Variants in ITGA1 observed in about 807,000 individuals in gnomAD.
ITGA1 encodes the protein integrin subunit alpha 1, also known as integrin alpha-1.
A neutral mutation model predicts 145.9 loss-of-function variants in ITGA1; 85 were observed. That is an observed-to-expected ratio of 0.58 (90% CI 0.49 to 0.70). The LOEUF is 0.70. Ranked by LOEUF, ITGA1 falls within the 30% of genes least tolerant of loss-of-function variation. ITGA1 has a pLI of 0.00. For missense variants in ITGA1, 1,351 were observed against 1,418.7 expected, an observed-to-expected ratio of 0.95 and a Z score of 0.77; for synonymous variants, 520 against 495.3, an observed-to-expected ratio of 1.05 and a Z score of -0.66.
At position 52,819,481 on chromosome 5, in the gene ITGA1, T is replaced by C. The variant is rs141886101; in HGVS notation, c.62-29884T>C. Among the ~76,000 whole-genome samples the C allele has an allele frequency of 6.7e-3, 1,018 of 152,340 alleles. 12 individuals are homozygous for C. Among genetic ancestry groups the C allele is most frequent in the African/African-American group, 0.023 (968 of 41,574 alleles). Reference sequence around the variant, plus strand: ...TGTCTGTTCATATCCTCTGCCCACTTTTTGATGGAGTTGTTTGCTTTTTTC... The same window carrying C: ...TGTCTGTTCATATCCTCTGCCCACTCTTTGATGGAGTTGTTTGCTTTTTTC... On this transcript the variant is annotated intron_variant, in intron 1 of 28. Coordinates refer to ENST00000282588, the MANE Select transcript of ITGA1 (RefSeq NM_181501.2).
rs1382682595 is a variant in ITGA1 at position 52,820,378 on chromosome 5, G to C, written c.62-28987G>C. 9.4e-5 allele frequency among the ~76,000 whole-genome samples: 8 copies of C among 84,704 alleles called. 1 individual carries two copies. The highest frequency in any genetic ancestry group is 3.7e-4 in the African/African-American group (8 of 21,558). 55.6% of individuals were successfully genotyped at this position (84,704 alleles called of 152,430 possible). A position where few individuals can be genotyped will look rare whatever the true frequency, so the allele number is the denominator to read the frequency against. ...TCACACATCAGGGCCTGTTGTGGGT[G>C]GGGGGAGGGGGGAGGGATAGCATTA... On this transcript the variant is annotated intron_variant, in intron 1 of 28. Coordinates refer to ENST00000282588, the MANE Select transcript of ITGA1 (RefSeq NM_181501.2).
intron 2 of ITGA1, among the ~76,000 whole-genome samples, chr5:52,857,898 C>T (rs1749541178): frequency 6.6e-6 from 1 of 152,042 alleles, no homozygotes; most frequent in South Asian, 2.1e-4. Flanking sequence ...TTCTTCCTTC[C>T]CACTCTTCTT....
intron 1 of ITGA1, among the ~76,000 whole-genome samples, chr5:52,791,597 T>G (rs575975963): frequency 6.6e-6 from 1 of 152,168 alleles, no homozygotes; most frequent in Admixed American, 6.5e-5. Flanking sequence ...AATAACAGAA[T>G]AGCTAGCACA....
rs781405286 is a variant in ITGA1 at position 52,937,531 on chromosome 5, T to G, written c.3078+17T>G. ...TCTTCTGAGGTAAGTCATGTGTGCC[T>G]TGGAATTATGTCATTACTGTTATCT... On this transcript the variant is annotated intron_variant, in intron 24 of 28. Coordinates refer to ENST00000282588, the MANE Select transcript of ITGA1 (RefSeq NM_181501.2). 1.5e-5 allele frequency: 21 copies of G among 1,416,024 alleles called. 1 individual carries two copies. The South Asian group carries it at 2.2e-4, about 15-fold the overall frequency. 87.7% of individuals were successfully genotyped at this position (1,416,024 alleles called of 1,614,324 possible). A position where few individuals can be genotyped will look rare whatever the true frequency, so the allele number is the denominator to read the frequency against.
chr5:52,918,649 C>T (rs1750685370), intron 15 of ITGA1, 83 bp from the exon 16 acceptor site: 15 of 1,356,762 alleles, frequency 1.1e-5, no homozygotes, highest in Non-Finnish European at 1.5e-5. Context: ...AACCCTCTTC[C>T]ATGCACTCAC....
intron 23 of ITGA1, among the ~76,000 whole-genome samples, chr5:52,934,470 T>C (rs1750936895): frequency 6.6e-6 from 1 of 152,042 alleles, no homozygotes; most frequent in East Asian, 1.9e-4. Context: ...CAAATAAGTA[T>C]GTATCACATT....
At position 52,925,385 on chromosome 5, in the gene ITGA1, T is replaced by C; in HGVS notation, c.2511T>C (p.Asp837=). The change falls in exon 19 of 29, where the codon GAT becomes GAC. Residue 837 remains aspartate (D), a synonymous_variant. Coordinates refer to ENST00000282588, the MANE Select transcript of ITGA1 (RefSeq NM_181501.2). ...TGCTGATTGTCCGATCCCAGAATGATAAGTTCAACGTTAGCCTCACAGTCA... is the reference window on the plus strand; with the variant it reads ...TGCTGATTGTCCGATCCCAGAATGACAAGTTCAACGTTAGCCTCACAGTCA... ...KDLLIVRSQN[D]KFNVSLTVKN... 1.9e-6 allele frequency: 3 copies of C among 1,614,096 alleles called. No individual in the cohort carries two copies. Among genetic ancestry groups the C allele is most frequent in the East Asian group, 4.5e-5 (2 of 44,872 alleles).
chr5:52,942,734 G>C (rs1222198787), intron 26 of ITGA1, among the ~76,000 whole-genome samples: 2 of 150,794 alleles, frequency 1.3e-5, no homozygotes, highest in Non-Finnish European at 1.5e-5. Flanking sequence ...GTAGAGATGG[G>C]GTTTCACTGT....
rs777500135 is a variant in ITGA1, at chr5:52,898,269, TA to T, written c.1196del (p.Tyr399LeufsTer16). On this transcript the variant is annotated frameshift_variant, in exon 11 of 29. Transcript: ENST00000282588. LOFTEE classifies it high-confidence loss of function. ...DWVMLGAVGA[Y>X]DWNGTVVMQK... ...GGTCATGCTTGGAGCAGTAGGAGCCTATGATTGGAATGGAACAGTTGTCATG... is the reference window on the plus strand; with the variant it reads ...GGTCATGCTTGGAGCAGTAGGAGCCTTGATTGGAATGGAACAGTTGTCATG... 1.5e-5 allele frequency: 24 copies of T among 1,606,682 alleles called. No individual in the cohort carries two copies. Among genetic ancestry groups the T allele is most frequent in the Non-Finnish European group, 2.0e-5 (23 of 1,176,228 alleles).
Position 52,939,959 on chromosome 5 carries a change from A to G in ITGA1, c.3285+15A>G, listed in dbSNP as rs1751029132. The G allele has an allele frequency of 7.7e-7, 1 of 1,301,786 alleles. No individual in the cohort carries two copies. The highest frequency in any genetic ancestry group is 1.1e-6 in the Non-Finnish European group (1 of 895,440). The allele number at this position is 1,301,786 out of a possible 1,614,324, so 80.6% of individuals were successfully genotyped here. A position where few individuals can be genotyped will look rare whatever the true frequency, so the allele number is the denominator to read the frequency against. ...CTTTTATAAAAGTAAGTAAATACAT[A>G]GTTCTATGCACTTATTGAATAATAT... is the stretch of plus-strand genomic sequence containing the variant. On this transcript the variant is annotated intron_variant, in intron 26 of 28. Transcript: ENST00000282588.
At chr5:52,885,519 G>T (rs1484060935) in intron 7 of ITGA1, among the ~76,000 whole-genome samples, 1 of 152,150 alleles carries the variant, frequency 6.6e-6, no homozygotes, top group Non-Finnish European at 1.5e-5. Context: ...AGAGTTTTAG[G>T]AGTTCTGCAC....
At chr5:52,860,413 G>A (rs905204034) in intron 2 of ITGA1, among the ~76,000 whole-genome samples, 1 of 152,158 alleles carries the variant, frequency 6.6e-6, no homozygotes, top group African/African-American at 2.4e-5. Context: ...GGGCGTGGTG[G>A]CGTGCACCTG....
chr5:52,835,597 G>A (rs1318942517), intron 1 of ITGA1, among the ~76,000 whole-genome samples: 1 of 152,136 alleles, frequency 6.6e-6, no homozygotes, highest in African/African-American at 2.4e-5. Context: ...ATTTTAATGG[G>A]TCTAAAATGG....
Position 52,905,994 on chromosome 5 carries a change from G to T in ITGA1, c.1455+86G>T. On this transcript the variant is annotated intron_variant, in intron 12 of 28. Transcript: ENST00000282588. ...TGTCTATTGTCCTAAACTTAAAAAT[G>T]CAATACCCACATATTCAGTAACAAC... The T allele has an allele frequency of 2.5e-6, 3 of 1,179,334 alleles. No individual in the cohort carries two copies. In the South Asian group the frequency reaches 4.6e-5, roughly 18 times the overall value. 73.1% of individuals were successfully genotyped at this position (1,179,334 alleles called of 1,614,324 possible).
intron 26 of ITGA1, among the ~76,000 whole-genome samples, chr5:52,940,374 T>C (rs1751036758): frequency 6.6e-6 from 1 of 151,716 alleles, no homozygotes; most frequent in Admixed American, 6.6e-5. Flanking sequence ...ATTATATGTA[T>C]AATTTTATAA....
At chr5:52,838,834 C>T (rs754403674) in intron 1 of ITGA1, among the ~76,000 whole-genome samples, 7 of 152,166 alleles carry the variant, frequency 4.6e-5, no homozygotes, top group African/African-American at 7.2e-5. Flanking sequence ...TGGTGACTCA[C>T]GCCTGTAATC....
chr5:52,855,437 C>CAGTCA (rs1749497887), intron 2 of ITGA1, among the ~76,000 whole-genome samples: 1 of 152,140 alleles, frequency 6.6e-6, no homozygotes, highest in African/African-American at 2.4e-5. Context: ...GTACTTGACA[C>CAGTCA]AGTCGTTAAT....
intron 2 of ITGA1, among the ~76,000 whole-genome samples, chr5:52,852,332 G>T (rs1749443042): frequency 6.6e-6 from 1 of 152,134 alleles, no homozygotes; most frequent in African/African-American, 2.4e-5. Context: ...AAATTGGATT[G>T]GAGAATGGAG....
intron 6 of ITGA1, among the ~76,000 whole-genome samples, chr5:52,868,882 C>A (rs1749731761): frequency 1.3e-5 from 2 of 152,184 alleles, no homozygotes; most frequent in South Asian, 4.1e-4. Flanking sequence ...GGAGCTTAAC[C>A]ATATACATTC....
Sources: allele counts gnomAD v4.1 joint callset (sites outside exome capture counted in the v4.1 genomes callset), GRCh38; gene constraint gnomAD v4.1.1; transcripts MANE v1.5; gene names NCBI Gene and HGNC (gene_info 2026-07-23, HGNC 2026-07-21).